The following NAALADL2 variants were observed in gnomAD, a reference collection of about 807,000 sequenced individuals.
NAALADL2 encodes the protein inactive N-acetylated-alpha-linked acidic dipeptidase-like protein 2.
A neutral mutation model predicts 87.2 loss-of-function variants in NAALADL2; 76 were observed. The observed-to-expected ratio is 0.87, with a 90% CI of 0.72 to 1.05. NAALADL2 has a LOEUF of 1.05. Among genes scored for constraint, NAALADL2 ranks in the 50% least tolerant of loss-of-function variants. NAALADL2 has a pLI of 0.00. For missense variants in NAALADL2, 1,089 were observed against 945.8 expected (o/e 1.15, Z -1.99); for synonymous variants, 354 against 331.0 (o/e 1.07, Z -0.75).
chr3:175,299,747 C>G (rs1016528930), intron 4 of NAALADL2, among the ~76,000 whole-genome samples: 4 of 152,158 alleles, frequency 2.6e-5, no homozygotes, highest in African/African-American at 7.2e-5. Context: ...GATAATTTGA[C>G]TTCCTCTCTT....
chr3:175,322,068 C>A (rs996053216), intron 4 of NAALADL2, among the ~76,000 whole-genome samples: 24 of 151,190 alleles, frequency 1.6e-4, no homozygotes, highest in African/African-American at 5.6e-4. Flanking sequence ...GGAGGCATCA[C>A]GCTACCTGAC....
At chr3:175,062,279 G>A (rs537148503) in intron 1 of NAALADL2, among the ~76,000 whole-genome samples, 1 of 152,270 alleles carries the variant, frequency 6.6e-6, no homozygotes, top group African/African-American at 2.4e-5. Context: ...TATTGATAGA[G>A]AAAGAAACTC....
chr3:174,766,900 G>A (rs883899), intron 3 of NAALADL2, among the ~76,000 whole-genome samples: 80,184 of 151,982 alleles, frequency 0.53, 21,543 homozygotes, highest in Middle Eastern at 0.65. Flanking sequence ...TACTATCTGC[G>A]GATCTTGGGC....
At chr3:175,172,698 T>C (rs1298486107) in intron 2 of NAALADL2, among the ~76,000 whole-genome samples, 2 of 152,114 alleles carry the variant, frequency 1.3e-5, no homozygotes, top group Non-Finnish European at 2.9e-5. Flanking sequence ...ATACTAATTA[T>C]AGTAGTGAAC....
intron 2 of NAALADL2, among the ~76,000 whole-genome samples, chr3:175,205,599 T>A (rs4894480): frequency 0.7 from 106,190 of 151,984 alleles, 38,003 homozygotes; most frequent in African/African-American, 0.84. Flanking sequence ...GATAGTTGGG[T>A]CTTAATTAAA....
intron 1 of NAALADL2, among the ~76,000 whole-genome samples, chr3:174,993,934 T>C (rs1371663840): frequency 6.6e-6 from 1 of 152,164 alleles, no homozygotes; most frequent in African/African-American, 2.4e-5. Context: ...CTGGGATCCA[T>C]GATCACATTT....
chr3:174,712,244 A>T (rs1463754737), intron 2 of NAALADL2, among the ~76,000 whole-genome samples: 1 of 152,100 alleles, frequency 6.6e-6, no homozygotes, highest in African/African-American at 2.4e-5. Context: ...GTATCTTGAT[A>T]GATTATTTAA....
At chr3:174,865,056 A>T (rs1726978417) in intron 1 of NAALADL2, among the ~76,000 whole-genome samples, 1 of 152,168 alleles carries the variant, frequency 6.6e-6, no homozygotes, top group South Asian at 2.1e-4. Flanking sequence ...GGTGACAGAT[A>T]TGTTTAACCA....
chr3:174,704,798 CTT>C (rs141119317), intron 2 of NAALADL2, among the ~76,000 whole-genome samples: 42 of 152,210 alleles, frequency 2.8e-4, no homozygotes, highest in Middle Eastern at 3.4e-3. Flanking sequence ...TAAGTCCTCT[CTT>C]AACATAATTG....
chr3:175,015,586 G>T (rs531750125), intron 1 of NAALADL2, among the ~76,000 whole-genome samples: 14 of 152,080 alleles, frequency 9.2e-5, no homozygotes, highest in African/African-American at 3.4e-4. Context: ...GCCTTTTCCT[G>T]TCTTACTGAA....
At chr3:175,241,897 C>T (rs1359642874) in intron 3 of NAALADL2, among the ~76,000 whole-genome samples, 1 of 112,866 alleles carries the variant, frequency 8.9e-6, no homozygotes, top group Admixed American at 1.2e-4. Context: ...GAGTCTCACT[C>T]TGTCACCAGG....
intron 9 of NAALADL2, among the ~76,000 whole-genome samples, chr3:175,542,111 A>AT (rs1323571405): frequency 1.3e-5 from 2 of 152,148 alleles, no homozygotes; most frequent in African/African-American, 2.4e-5. Flanking sequence ...GGAGAAGAGG[A>AT]TTTTTTATAT....
chr3:175,437,501 A>G lies in NAALADL2; in HGVS notation c.1091-9728A>G, dbSNP rs1441914167. On this transcript the variant is annotated intron_variant, in intron 5 of 13. Transcript: ENST00000454872. ...CCATGCTCATGGGTAGGAAGAATCAATATCGTGAAAATGGCCATACTGCCC... is the reference window on the plus strand; with the variant it reads ...CCATGCTCATGGGTAGGAAGAATCAGTATCGTGAAAATGGCCATACTGCCC... Among the ~76,000 whole-genome samples, 7 of 140,272 alleles carry G rather than the reference A, an allele frequency of 5.0e-5. No individual in the cohort carries two copies. The East Asian group carries it at 6.2e-4, about 12-fold the overall frequency. The allele number at this position is 140,272 out of a possible 152,430, so 92.0% of individuals were successfully genotyped here.
At chr3:175,671,145 T>C (rs1733954543) in intron 11 of NAALADL2, among the ~76,000 whole-genome samples, 1 of 151,808 alleles carries the variant, frequency 6.6e-6, no homozygotes, top group South Asian at 2.1e-4. Context: ...GACTTAAGAC[T>C]TGTGAATTTG....
chr3:174,863,821 A>G, intron 1 of NAALADL2: 1 of 287,644 alleles, frequency 3.5e-6, no homozygotes, highest in South Asian at 3.1e-5. Flanking sequence ...AGCCTACAGA[A>G]CTTTAATAGC....
intron 3 of NAALADL2, among the ~76,000 whole-genome samples, chr3:174,774,748 A>G (rs1715006040): frequency 2.0e-5 from 3 of 152,226 alleles, no homozygotes. Context: ...CTACAAATAC[A>G]GTAGATTCTG....
chr3:175,590,369 T>G (rs1158535325), intron 10 of NAALADL2, among the ~76,000 whole-genome samples: 6 of 150,126 alleles, frequency 4.0e-5, no homozygotes, highest in Non-Finnish European at 8.9e-5. Flanking sequence ...GAATAGTCGA[T>G]ATAGTGTCTG....
At chr3:174,576,214 A>G (rs970861586) in intron 2 of NAALADL2, among the ~76,000 whole-genome samples, 8 of 152,210 alleles carry the variant, frequency 5.3e-5, no homozygotes, top group Non-Finnish European at 1.0e-4. Flanking sequence ...TCTAGGAGCC[A>G]AATGGAAAAT....
At chr3:175,535,482 T>C (rs927296620) in intron 9 of NAALADL2, among the ~76,000 whole-genome samples, 5 of 152,328 alleles carry the variant, frequency 3.3e-5, no homozygotes, top group African/African-American at 7.2e-5. Context: ...GAAAAAATGA[T>C]GTAAGGCCCT....
Sources: gnomAD v4.1 joint callset for allele counts (sites outside exome capture counted in the v4.1 genomes callset) on GRCh38, gnomAD v4.1.1 for gene constraint, MANE v1.5 for transcripts, NCBI Gene and HGNC (gene_info 2026-07-23, HGNC 2026-07-21) for gene names.